CFAP77: variants seen among roughly 807,000 people sequenced by gnomAD.
The protein encoded by CFAP77 is cilia- and flagella-associated protein 77.
Under a neutral mutation model 31.1 loss-of-function variants are expected in CFAP77, and 25 were observed. The ratio of observed to expected loss-of-function variants is 0.80; its 90% CI spans 0.59 to 1.12. The LOEUF (loss-of-function observed/expected upper bound fraction) is 1.12. Ranked by LOEUF, CFAP77 falls within the 50% of genes most tolerant of loss-of-function variation. The pLI is 0.00. For synonymous variants in CFAP77, 151 were observed against 159.9 expected, an observed-to-expected ratio of 0.94 and a Z score of 0.42; for missense variants, 377 against 397.3, an observed-to-expected ratio of 0.95 and a Z score of 0.44.
rs949547271 is a variant in CFAP77 at position 132,499,741 on chromosome 9, G to C, written c.524+141G>C. The stretch of plus-strand genomic sequence containing the variant: ...TCTCTTCAATGACTCTCTCTTGTGT[G>C]ACCTCTATAGCCACACCCTGAATCC... On this transcript the variant is annotated intron_variant, in intron 3 of 5. Transcript: ENST00000393216. The surrounding 1 kb of genome is among the most constrained non-coding windows in gnomAD (Gnocchi z 5.4). 2.6e-6 allele frequency: 2 copies of C among 769,418 alleles called. No homozygotes were observed. The highest frequency in any genetic ancestry group is 3.5e-5 in the African/African-American group (2 of 57,666). 47.7% of individuals were successfully genotyped at this position (769,418 alleles called of 1,614,324 possible). A position where few individuals can be genotyped will look rare whatever the true frequency, so the allele number is the denominator to read the frequency against.
At chr9:132,523,041 G>GC (rs369660371) in intron 3 of CFAP77, among the ~76,000 whole-genome samples, 3 of 151,260 alleles carry the variant, frequency 2.0e-5, no homozygotes, top group African/African-American at 4.9e-5. Context: ...CTGCTCCCCT[G>GC]CCTCGGGCCT....
chr9:132,436,718 G>A (rs1377785679), intron 1 of CFAP77, among the ~76,000 whole-genome samples: 1 of 152,158 alleles, frequency 6.6e-6, no homozygotes, highest in African/African-American at 2.4e-5. Context: ...AAACTTTAAT[G>A]CTACGGCAAT....
intron 3 of CFAP77, among the ~76,000 whole-genome samples, chr9:132,533,773 C>T (rs554459620): frequency 3.3e-5 from 5 of 152,090 alleles, no homozygotes; most frequent in South Asian, 4.1e-4. Flanking sequence ...CCCAGCTACT[C>T]GGGAGGTTGA....
intron 1 of CFAP77, among the ~76,000 whole-genome samples, chr9:132,445,572 A>G (rs745975297): frequency 6.6e-6 from 1 of 152,198 alleles, no homozygotes; most frequent in Non-Finnish European, 1.5e-5. Flanking sequence ...GGCTTTTGAA[A>G]AACAAAATAA....
intron 1 of CFAP77, among the ~76,000 whole-genome samples, chr9:132,419,821 T>G (rs751081991): frequency 6.6e-6 from 1 of 152,062 alleles, no homozygotes; most frequent in Non-Finnish European, 1.5e-5. Context: ...GAAGTTGTAG[T>G]CTGATCAGAG....
chr9:132,567,339 T>C (rs1335163980), intron 5 of CFAP77, among the ~76,000 whole-genome samples: 1 of 152,182 alleles, frequency 6.6e-6, no homozygotes, highest in Non-Finnish European at 1.5e-5. Flanking sequence ...TAATAAATAT[T>C]TTTTAGATGG....
chr9:132,438,340 A>T (rs1850546737), intron 1 of CFAP77, among the ~76,000 whole-genome samples: 1 of 151,196 alleles, frequency 6.6e-6, no homozygotes, highest in Non-Finnish European at 1.5e-5. Context: ...TTTGGCTTGC[A>T]AGATTCCTGA....
intron 3 of CFAP77, among the ~76,000 whole-genome samples, chr9:132,512,292 T>G (rs1852054063): frequency 6.6e-6 from 1 of 152,220 alleles, no homozygotes; most frequent in Admixed American, 6.5e-5. Flanking sequence ...CTTACAAAGA[T>G]ATTTATCATT....
chr9:132,541,476 C>G (rs57909194), intron 4 of CFAP77, among the ~76,000 whole-genome samples: 5,924 of 152,308 alleles, frequency 0.039, 367 homozygotes, highest in African/African-American at 0.14. Context: ...GAAATCCCAG[C>G]ACTTTGGGAG....
intron 5 of CFAP77, among the ~76,000 whole-genome samples, chr9:132,561,372 C>CA (rs1385806969): frequency 2.0e-5 from 3 of 151,722 alleles, no homozygotes. Flanking sequence ...TTTTCCCCCC[C>CA]CAAATCCTCC....
At chr9:132,454,614 C>T (rs540791627) in intron 1 of CFAP77, among the ~76,000 whole-genome samples, 1 of 152,330 alleles carries the variant, frequency 6.6e-6, no homozygotes, top group South Asian at 2.1e-4. Flanking sequence ...TAGTTTGATA[C>T]AATGCCCTTT....
intron 1 of CFAP77, among the ~76,000 whole-genome samples, chr9:132,412,591 G>C (rs79375290): frequency 7.4e-6 from 1 of 134,910 alleles, no homozygotes; most frequent in Non-Finnish European, 1.6e-5. Flanking sequence ...TGTTTTTTTT[G>C]GGTTTTTTTG....
At chr9:132,524,437 TA>T (rs1297407194) in intron 3 of CFAP77, among the ~76,000 whole-genome samples, 19 of 147,048 alleles carry the variant, frequency 1.3e-4, no homozygotes, top group Non-Finnish European at 1.4e-4. Context: ...CTGTCTCTAC[TA>T]AAAAAAAAAT....
intron 3 of CFAP77, among the ~76,000 whole-genome samples, chr9:132,531,130 C>G (rs1165731986): frequency 1.3e-5 from 2 of 152,238 alleles, no homozygotes; most frequent in Non-Finnish European, 2.9e-5. Flanking sequence ...TTACAATATC[C>G]TGAATTATGA....
chr9:132,410,630 C>T (rs1849974942), intron 1 of CFAP77, among the ~76,000 whole-genome samples, 164 bp downstream of exon 1: 1 of 152,212 alleles, frequency 6.6e-6, no homozygotes, highest in Non-Finnish European at 1.5e-5. Flanking sequence ...ATGCAGGTCG[C>T]GTCGCCTCTC....
chr9:132,509,034 G>A (rs544036240), intron 3 of CFAP77, among the ~76,000 whole-genome samples: 3 of 152,330 alleles, frequency 2.0e-5, no homozygotes, highest in Non-Finnish European at 4.4e-5. Context: ...GCGGAGGTGA[G>A]TCCTCAGCAG....
Position 132,481,966 on chromosome 9 carries a change from G to T in CFAP77, c.196-16729G>T, listed in dbSNP as rs35920156. On this transcript the variant is annotated intron_variant, in intron 1 of 5. Transcript: ENST00000393216. This position sits in a 1 kb window ranked among gnomAD's most constrained non-coding sequence, Gnocchi z 5.0. ...GGAACAAGGGTTTATGGTTGGGGGG[G>T]GGGGGGGCGGCGGAACACTGAACAT... is the stretch of plus-strand genomic sequence containing the variant. 2.2e-3 allele frequency among the ~76,000 whole-genome samples: 333 copies of T among 151,394 alleles called. 1 individual carries two copies. Among genetic ancestry groups the T allele is most frequent in the African/African-American group, 4.0e-3 (164 of 41,392 alleles).
At chr9:132,469,159 C>G (rs1024122821) in intron 1 of CFAP77, among the ~76,000 whole-genome samples, 4 of 152,124 alleles carry the variant, frequency 2.6e-5, no homozygotes, top group African/African-American at 9.7e-5. Flanking sequence ...AGAACGAGCT[C>G]TCTGTGAGAA....
intron 1 of CFAP77, among the ~76,000 whole-genome samples, chr9:132,479,204 G>A (rs1042608875): frequency 1.3e-5 from 2 of 152,140 alleles, no homozygotes; most frequent in Non-Finnish European, 1.5e-5. Flanking sequence ...CCTTAGTGAT[G>A]CAACCCCATG....
Sources: allele counts gnomAD v4.1 joint callset (sites outside exome capture counted in the v4.1 genomes callset), GRCh38; gene constraint gnomAD v4.1.1; non-coding constraint Gnocchi (gnomAD v3.1); transcripts MANE v1.5; gene names NCBI Gene and HGNC (gene_info 2026-07-23, HGNC 2026-07-21).